Variants in SYT10 observed in about 807,000 individuals in gnomAD.
SYT10 encodes synaptotagmin-10.
In SYT10, 31 loss-of-function variants were observed where a neutral mutation model predicts 51.1. The ratio of observed to expected loss-of-function variants is 0.61; its 90% confidence interval spans 0.46 to 0.82. SYT10 has a LOEUF of 0.82. Ranked by LOEUF, SYT10 falls within the 40% of genes least tolerant of loss-of-function variation. The pLI is 0.00. For synonymous variants in SYT10, 233 were observed against 225.9 expected, an observed-to-expected ratio of 1.03 and a Z score of -0.28; for missense variants, 603 against 634.0, an observed-to-expected ratio of 0.95 and a Z score of 0.53.
intron 2 of SYT10, among the ~76,000 whole-genome samples, chr12:33,420,697 G>A (rs1278357046): frequency 4.6e-5 from 7 of 152,002 alleles, no homozygotes; most frequent in South Asian, 2.1e-4. Context: ...CAGTGTTTGC[G>A]TATAAGACAA....
chr12:33,413,216 C>T (rs1866423304), intron 2 of SYT10, among the ~76,000 whole-genome samples: 1 of 152,122 alleles, frequency 6.6e-6, no homozygotes, highest in African/African-American at 2.4e-5. Context: ...ATTGGTGTAC[C>T]TGAAAGTGAC....
At chr12:33,398,516 A>C (rs2138404959) in intron 3 of SYT10, among the ~76,000 whole-genome samples, 1 of 152,128 alleles carries the variant, frequency 6.6e-6, no homozygotes, top group Admixed American at 6.5e-5. Flanking sequence ...CTGTCTCAAA[A>C]CAAACAAACA....
chr12:33,409,225 CT>C (rs200944559), intron 2 of SYT10, among the ~76,000 whole-genome samples: 1 of 151,882 alleles, frequency 6.6e-6, no homozygotes, highest in African/African-American at 2.4e-5. Context: ...AGCTCGATTT[CT>C]TTTTTTTCGA....
intron 2 of SYT10, among the ~76,000 whole-genome samples, chr12:33,418,979 T>G (rs1866477810): frequency 6.6e-6 from 1 of 152,068 alleles, no homozygotes; most frequent in African/African-American, 2.4e-5. Context: ...CTACCTCTGC[T>G]TTTTCTCCTG....
At chr12:33,391,380 G>A in intron 3 of SYT10, among the ~76,000 whole-genome samples, 1 of 152,152 alleles carries the variant, frequency 6.6e-6, no homozygotes. Flanking sequence ...GGGTGACAAT[G>A]TAAATGATGA....
intron 2 of SYT10, among the ~76,000 whole-genome samples, chr12:33,421,188 T>C (rs1866500566): frequency 6.6e-6 from 1 of 152,244 alleles, no homozygotes; most frequent in Non-Finnish European, 1.5e-5. Flanking sequence ...ATACTATGCA[T>C]GATGATTTTA....
At position 33,426,062 on chromosome 12, in the gene SYT10, TCACACACACACA is replaced by T. The variant is rs3046353; in HGVS notation, c.509+64_509+75del. 4,744 of 1,205,698 alleles carry T rather than the reference TCACACACACACA, an allele frequency of 3.9e-3. 13 individuals carry two copies. Among genetic ancestry groups the T allele is most frequent in the Admixed American group, 6.7e-3 (244 of 36,506 alleles). The allele number at this position is 1,205,698 out of a possible 1,614,324, so 74.7% of individuals were successfully genotyped here. Reference sequence around the variant, plus strand: ...TAAAGTTTTTCTCTCTTATGAAATTTCACACACACACACACACACACACACACACACACACAC... The same window carrying T: ...TAAAGTTTTTCTCTCTTATGAAATTTCACACACACACACACACACACACAC... On this transcript the variant is annotated intron_variant, in intron 2 of 6. Coordinates refer to ENST00000228567, the MANE Select transcript of SYT10 (RefSeq NM_198992.4).
chr12:33,376,863 G>A lies in SYT10; in HGVS notation c.1539C>T (p.Ser513=). Residue 513 remains serine (S), a synonymous_variant, in exon 7 of 7, where the codon TCC becomes TCT. Transcript: ENST00000228567. ...TGGAAGGTGGTTTAGGAGAAGGGCA[G>A]GATCCTTGACTATCAAAACTGGTCG... ...GRATSFDSQG[S]CPSPKPPSTP is the part of the protein sequence containing the mutation. 6.2e-7 allele frequency: 1 copy of A among 1,614,044 alleles called. No homozygotes were observed. The highest frequency in any genetic ancestry group is 8.5e-7 in the Non-Finnish European group (1 of 1,179,976).
chr12:33,396,012 C>A (rs534592456), intron 3 of SYT10, among the ~76,000 whole-genome samples: 1 of 152,196 alleles, frequency 6.6e-6, no homozygotes, highest in Non-Finnish European at 1.5e-5. Flanking sequence ...TAATTATTTT[C>A]TTAACATCCT....
At chr12:33,381,813 A>G (rs1866117464) in intron 5 of SYT10, among the ~76,000 whole-genome samples, 1 of 152,204 alleles carries the variant, frequency 6.6e-6, no homozygotes, top group African/African-American at 2.4e-5. Flanking sequence ...CCATAAAGCA[A>G]TGCTTTAAGA....
Position 33,413,755 on chromosome 12 carries a change from C to G in SYT10, c.510-6399G>C, listed in dbSNP as rs145771953. On this transcript the variant is annotated intron_variant, in intron 2 of 6. Transcript: ENST00000228567. ...TGCCAAATTGTGAAGACCTTCAAGGCTAGGAAGAAACTGCATCAACTAACG... is the reference window on the plus strand; with the variant it reads ...TGCCAAATTGTGAAGACCTTCAAGGGTAGGAAGAAACTGCATCAACTAACG... 7.3e-3 allele frequency among the ~76,000 whole-genome samples: 1,114 copies of G among 152,276 alleles called. 6 individuals carry two copies. Among genetic ancestry groups the G allele is most frequent in the Non-Finnish European group, 0.012 (794 of 68,024 alleles).
In SYT10 at chr12:33,424,624, C is replaced by G. The variant is rs1009162918; in HGVS notation, c.509+1514G>C. Among the ~76,000 whole-genome samples, 3 of 151,940 alleles carry G rather than the reference C, an allele frequency of 2.0e-5. No individual in the cohort carries two copies. In the East Asian group the frequency reaches 5.8e-4, roughly 29 times the overall value. On this transcript the variant is annotated intron_variant, in intron 2 of 6. Coordinates refer to ENST00000228567, the MANE Select transcript of SYT10 (RefSeq NM_198992.4). ...TTTTCCCCTATAGGTATAGCGAGAC[C>G]AATGTCTTGGAAAAAAGGAAGTTCC...
chr12:33,377,963 T>C (rs1405048441), intron 6 of SYT10, among the ~76,000 whole-genome samples: 6 of 152,124 alleles, frequency 3.9e-5, no homozygotes, highest in Non-Finnish European at 8.8e-5. Context: ...CTTTAGTCTT[T>C]GTTGTACCAA....
In SYT10 at chr12:33,406,857, T is replaced by G. The variant is rs1866357454; in HGVS notation, c.1009A>C (p.Asn337His). The change falls in exon 3 of 7, where the codon AAT becomes CAT. Residue 337 changes from asparagine (N) to histidine (H), a missense_variant. Transcript: ENST00000228567. ...HDMIGEVILD[N>H]LFEVSDLSRE... Reference sequence around the variant, plus strand: ...GAGAGATCAGAGACTTCAAACAAATTATCAAGAATCACTTCCCCAATCATG... The same window carrying G: ...GAGAGATCAGAGACTTCAAACAAATGATCAAGAATCACTTCCCCAATCATG... The G allele has an allele frequency of 7.4e-6, 12 of 1,614,008 alleles. No individual in the cohort carries two copies. Among genetic ancestry groups the G allele is most frequent in the Non-Finnish European group, 1.0e-5 (12 of 1,179,996 alleles).
intron 1 of SYT10, among the ~76,000 whole-genome samples, chr12:33,430,273 A>G (rs1466037231): frequency 6.6e-6 from 1 of 152,334 alleles, no homozygotes; most frequent in East Asian, 1.9e-4. Context: ...AATATCCCAA[A>G]ATAAAGTGAC....
intron 3 of SYT10, among the ~76,000 whole-genome samples, chr12:33,403,032 T>G (rs1460484275): frequency 1.3e-5 from 2 of 152,066 alleles, no homozygotes; most frequent in African/African-American, 2.4e-5. Context: ...TTCAAACTGA[T>G]AGCAAAATGG....
intron 1 of SYT10, among the ~76,000 whole-genome samples, chr12:33,429,109 G>T (rs1866576889): frequency 6.6e-6 from 1 of 152,124 alleles, no homozygotes; most frequent in Non-Finnish European, 1.5e-5. Context: ...GGACAAGAAT[G>T]GATAGGCAAT....
intron 2 of SYT10, among the ~76,000 whole-genome samples, chr12:33,409,600 G>A (rs11052685): frequency 0.61 from 92,386 of 150,764 alleles, 29,469 homozygotes; most frequent in East Asian, 0.89. Flanking sequence ...TGCGAGCTCC[G>A]CCTCCCAGGT....
chr12:33,431,243 G>GT (rs1381098553), intron 1 of SYT10, among the ~76,000 whole-genome samples: 4 of 152,072 alleles, frequency 2.6e-5, no homozygotes, highest in Non-Finnish European at 5.9e-5. Flanking sequence ...CTTCCCAAGG[G>GT]TCAGGACTTA....
Sources: gnomAD v4.1 joint callset for allele counts (sites outside exome capture counted in the v4.1 genomes callset) on GRCh38, gnomAD v4.1.1 for gene constraint, MANE v1.5 for transcripts, NCBI Gene and HGNC (gene_info 2026-07-23, HGNC 2026-07-21) for gene names.